The following NPAS3 variants were observed in gnomAD, a reference collection of about 807,000 sequenced individuals.
NPAS3 encodes neuronal PAS domain protein 3.
A neutral mutation model predicts 73.1 loss-of-function variants in NPAS3; 14 were observed. The ratio of observed to expected loss-of-function variants is 0.19; its 90% CI spans 0.13 to 0.30. The LOEUF (loss-of-function observed/expected upper bound fraction) is 0.30, where lower values mean the gene tolerates loss of function less well. Among genes scored for constraint, NPAS3 ranks in the 10% least tolerant of loss-of-function variants. The pLI is 1.00. For synonymous variants in NPAS3, 620 were observed against 541.5 expected (o/e 1.14, Z -2.01); for missense variants, 1,096 against 1,250.0 (o/e 0.88, Z 1.86).
At chr14:33,088,749 G>A (rs1372466632) in intron 2 of NPAS3, among the ~76,000 whole-genome samples, 5 of 152,160 alleles carry the variant, frequency 3.3e-5, no homozygotes, top group African/African-American at 4.8e-5. Context: ...TCTGACCCCC[G>A]AGTAGCCTAA....
At chr14:33,804,099 A>G (rs1357712782), downstream of NPAS3, 4 of 152,074 alleles carry the variant, frequency 2.6e-5, no homozygotes, top group Non-Finnish European at 5.9e-5. Flanking sequence ...TGTCACATAC[A>G]TGGTTGTCTT....
intron 5 of NPAS3, among the ~76,000 whole-genome samples, chr14:33,631,600 C>G (rs898451221): frequency 1.1e-4 from 17 of 152,174 alleles, no homozygotes; most frequent in African/African-American, 4.1e-4. Flanking sequence ...CCAACCAGCT[C>G]GAAGTGGGAG....
At chr14:33,173,266 G>A (rs1252905506) in intron 2 of NPAS3, among the ~76,000 whole-genome samples, 1 of 152,150 alleles carries the variant, frequency 6.6e-6, no homozygotes, top group Non-Finnish European at 1.5e-5. Context: ...TATGTGCCAA[G>A]TTATGAACTC....
chr14:33,635,744 G>A (rs967367579), intron 5 of NPAS3, among the ~76,000 whole-genome samples: 2 of 152,140 alleles, frequency 1.3e-5, no homozygotes, highest in East Asian at 1.9e-4. Flanking sequence ...TGGACTTGTC[G>A]GGGTCTTTGG....
chr14:33,653,513 T>G (rs931039005), intron 5 of NPAS3, among the ~76,000 whole-genome samples: 1 of 152,248 alleles, frequency 6.6e-6, no homozygotes, highest in African/African-American at 2.4e-5. Context: ...AATCCGCCCC[T>G]TGGCAAAAAT....
At chr14:33,277,538 A>G (rs2041392734) in intron 3 of NPAS3, among the ~76,000 whole-genome samples, 1 of 152,154 alleles carries the variant, frequency 6.6e-6, no homozygotes, top group Non-Finnish European at 1.5e-5. Flanking sequence ...GGGCTAGGTA[A>G]AAGGAATAGA....
chr14:33,457,763 C>T (rs1304000103), intron 4 of NPAS3, among the ~76,000 whole-genome samples: 3 of 152,232 alleles, frequency 2.0e-5, no homozygotes, highest in East Asian at 1.9e-4. Context: ...AAGTCTGGCT[C>T]GCTCTCTGGG....
chr14:33,351,535 T>A (rs1415922247), intron 3 of NPAS3, among the ~76,000 whole-genome samples: 1 of 152,242 alleles, frequency 6.6e-6, no homozygotes, highest in African/African-American at 2.4e-5. Context: ...GTTGAAAATA[T>A]AAGTTGAAGA....
intron 5 of NPAS3, among the ~76,000 whole-genome samples, chr14:33,629,262 G>A (rs1365071193): frequency 6.6e-6 from 1 of 151,810 alleles, no homozygotes; most frequent in African/African-American, 2.4e-5. Flanking sequence ...AAAACCAGGT[G>A]GATCTCTCTA....
At chr14:33,464,823 G>C (rs1024143903) in intron 4 of NPAS3, among the ~76,000 whole-genome samples, 1 of 152,182 alleles carries the variant, frequency 6.6e-6, no homozygotes, top group East Asian at 1.9e-4. Context: ...GAACTGCCTG[G>C]TCCTGATGGA....
intron 4 of NPAS3, among the ~76,000 whole-genome samples, chr14:33,544,541 T>C (rs2054690642): frequency 6.6e-6 from 1 of 151,438 alleles, no homozygotes; most frequent in South Asian, 2.1e-4. Flanking sequence ...TCTCCCACCA[T>C]GCACACACAT....
chr14:33,373,051 T>C (rs1200849070), intron 4 of NPAS3, among the ~76,000 whole-genome samples: 1 of 152,216 alleles, frequency 6.6e-6, no homozygotes, highest in Admixed American at 6.5e-5. Flanking sequence ...TTTTACCTTA[T>C]TGAAGTTAAC....
intron 5 of NPAS3, among the ~76,000 whole-genome samples, chr14:33,567,944 G>A (rs1006453614): frequency 6.6e-6 from 1 of 152,172 alleles, no homozygotes; most frequent in Non-Finnish European, 1.5e-5. Flanking sequence ...TGTGCACAGC[G>A]AGCTGTTCTT....
chr14:32,975,302 C>CTCCCT (rs35251589), intron 1 of NPAS3, among the ~76,000 whole-genome samples: 6 of 2,960 alleles, frequency 2.0e-3, no homozygotes, highest in Admixed American at 7.1e-3. Context: ...CCCTCCCTCC[C>CTCCCT]TCCCTGCCTC....
At chr14:33,233,700 T>C (rs977905677) in intron 3 of NPAS3, among the ~76,000 whole-genome samples, 11 of 152,146 alleles carry the variant, frequency 7.2e-5, no homozygotes, top group African/African-American at 2.7e-4. Flanking sequence ...TTAGGATTAA[T>C]GGGAATTAGC....
At chr14:33,577,661 G>A (rs878875829) in intron 5 of NPAS3, among the ~76,000 whole-genome samples, 3 of 152,156 alleles carry the variant, frequency 2.0e-5, no homozygotes, top group East Asian at 1.9e-4. Context: ...TTCTCCTGCT[G>A]GGGTGACGGG....
chr14:33,186,072 T>C (rs1162410341), intron 2 of NPAS3, among the ~76,000 whole-genome samples: 1 of 152,176 alleles, frequency 6.6e-6, no homozygotes, highest in East Asian at 1.9e-4. Flanking sequence ...AGGAGATCAC[T>C]GATTTCTGCA....
At chr14:33,374,833 C>T (rs2046250101) in intron 4 of NPAS3, among the ~76,000 whole-genome samples, 1 of 151,978 alleles carries the variant, frequency 6.6e-6, no homozygotes, top group South Asian at 2.1e-4. Flanking sequence ...ATACCTAAAA[C>T]AGCTCAAAAG....
intron 3 of NPAS3, among the ~76,000 whole-genome samples, chr14:33,276,939 G>A (rs1218767614): frequency 3.3e-5 from 5 of 152,152 alleles, no homozygotes; most frequent in African/African-American, 9.6e-5. Context: ...CACTCATAGA[G>A]TGCCTACTAT....
Sources: allele counts gnomAD v4.1 joint callset (sites outside exome capture counted in the v4.1 genomes callset), GRCh38; gene constraint gnomAD v4.1.1; transcripts MANE v1.5; gene names NCBI Gene and HGNC (gene_info 2026-07-23, HGNC 2026-07-21).